The following UGGT1 variants were observed in gnomAD, a reference collection of about 807,000 sequenced individuals.
The protein encoded by UGGT1 is UDP-glucose:glycoprotein glucosyltransferase 1.
A neutral mutation model predicts 203.9 loss-of-function variants in UGGT1; 107 were observed. The ratio of observed to expected loss-of-function variants is 0.52; its 90% CI spans 0.45 to 0.62. UGGT1 has a LOEUF of 0.62. Ranked by LOEUF, UGGT1 falls within the 20% of genes least tolerant of loss-of-function variation. The pLI is 0.00. For missense variants in UGGT1, 1,673 were observed against 1,867.2 expected, an observed-to-expected ratio of 0.90 and a Z score of 1.92; for synonymous variants, 628 against 653.5, an observed-to-expected ratio of 0.96 and a Z score of 0.59.
intron 7 of UGGT1, among the ~76,000 whole-genome samples, chr2:128,115,705 G>A (rs983695331): frequency 6.6e-6 from 1 of 151,948 alleles, no homozygotes; most frequent in African/African-American, 2.4e-5. Context: ...GTTTACTGTG[G>A]ATACTTTCTG....
At chr2:128,094,649 G>A (rs1225214196) in intron 1 of UGGT1, among the ~76,000 whole-genome samples, 2 of 150,302 alleles carry the variant, frequency 1.3e-5, no homozygotes, top group Non-Finnish European at 2.9e-5. Flanking sequence ...TACAAACCGT[G>A]TCTATTGTGT....
At position 128,182,223 on chromosome 2, in the gene UGGT1, G is replaced by A; in HGVS notation, c.4177G>A (p.Asp1393Asn). Residue 1393 changes from aspartate to asparagine, a missense_variant, in exon 37 of 41, where the codon GAC (aspartate) becomes AAC (asparagine). Physicochemically the swap from Asp to Asn is conservative, Grantham distance 23 (BLOSUM62 1). This residue lies in a region of UGGT1 where 513 missense variants were observed against 684.1 expected (regional missense o/e 0.75). Transcript: ENST00000259253. ...TPFCDSRREM[D>N]GYRFWKSGYW... The stretch of plus-strand genomic sequence containing the variant: ...TTTCTGTGACAGCCGAAGAGAAATG[G>A]ACGGCTACAGGTTCTGGAAGTCAGG... 6.2e-7 allele frequency: 1 copy of A among 1,614,148 alleles called. No individual in the cohort carries two copies. Among genetic ancestry groups the A allele is most frequent in the Non-Finnish European group, 8.5e-7 (1 of 1,180,006 alleles).
chr2:128,134,749 CT>C (rs1689050481), intron 14 of UGGT1, 126 bp from the exon 15 acceptor site: 3 of 735,570 alleles, frequency 4.1e-6, no homozygotes, highest in Non-Finnish European at 6.9e-6. Flanking sequence ...TGTAATTCAT[CT>C]TTTATGTGGT....
intron 3 of UGGT1, among the ~76,000 whole-genome samples, chr2:128,104,259 C>T (rs1295573384): frequency 6.6e-6 from 1 of 152,064 alleles, no homozygotes; most frequent in Non-Finnish European, 1.5e-5. Context: ...CTATCGTGAT[C>T]CTTTATTAAA....
Position 128,176,918 on chromosome 2 carries a change from T to G in UGGT1, c.3624+20T>G, listed in dbSNP as rs376778024. 1.2e-4 allele frequency: 191 copies of G among 1,604,164 alleles called. No individual in the cohort carries two copies. Among genetic ancestry groups the G allele is most frequent in the Non-Finnish European group, 4.6e-5 (54 of 1,171,346 alleles). On this transcript the variant is annotated intron_variant, in intron 32 of 40. Transcript: ENST00000259253. ...GTGAAGGTGAGTTTGGTAAAAGTAGTGGCATTCTGTTATTGGACAGCTGTC... is the reference window on the plus strand; with the variant it reads ...GTGAAGGTGAGTTTGGTAAAAGTAGGGGCATTCTGTTATTGGACAGCTGTC...
intron 16 of UGGT1, among the ~76,000 whole-genome samples, chr2:128,141,861 C>G (rs1689446016): frequency 6.6e-6 from 1 of 151,658 alleles, no homozygotes; most frequent in Non-Finnish European, 1.5e-5. Context: ...TTAGATTTCT[C>G]TATCTCTCCC....
intron 28 of UGGT1, among the ~76,000 whole-genome samples, chr2:128,171,655 A>G (rs1271503701): frequency 6.6e-6 from 1 of 151,968 alleles, no homozygotes; most frequent in Non-Finnish European, 1.5e-5. Flanking sequence ...TTACAGGTGC[A>G]CACTACCATG....
chr2:128,168,970 C>T (rs1256977381), intron 26 of UGGT1, among the ~76,000 whole-genome samples: 4 of 141,070 alleles, frequency 2.8e-5, no homozygotes, highest in South Asian at 2.3e-4. Context: ...TTGCTTGAGC[C>T]GGGGAGGTGG....
At position 128,159,621 on chromosome 2, in the gene UGGT1, G is replaced by C; in HGVS notation, c.2463G>C (p.Gln821His). Residue 821 changes from glutamine (Q) to histidine (H), a missense_variant, in exon 23 of 41, where the codon CAG becomes CAC. By Grantham distance (24) the Gln-to-His change is conservative. This residue lies in a region of UGGT1 where 1,073 missense variants were observed against 1,078.7 expected (regional missense o/e 0.99). Transcript: ENST00000259253. The stretch of plus-strand genomic sequence containing the variant: ...CAATCTGGGCAGCTCTCCAAACTCA[G>C]ACTTCCAACGCTGCTAAGAACTTCA... ...SRAIWAALQT[Q>H]TSNAAKNFIT... 1 of 1,614,148 alleles carries C rather than the reference G, an allele frequency of 6.2e-7. No homozygotes were observed. Among genetic ancestry groups the C allele is most frequent in the Non-Finnish European group, 8.5e-7 (1 of 1,180,034 alleles).
chr2:128,122,494 A>G (rs1050408597), intron 10 of UGGT1, among the ~76,000 whole-genome samples: 4 of 151,302 alleles, frequency 2.6e-5, no homozygotes, highest in Admixed American at 6.6e-5. Context: ...AGATCATGCC[A>G]TTGCACTCCA....
intron 29 of UGGT1, among the ~76,000 whole-genome samples, chr2:128,173,195 A>C (rs1307567506): frequency 6.6e-6 from 1 of 152,242 alleles, no homozygotes; most frequent in Non-Finnish European, 1.5e-5. Flanking sequence ...TCCATGCTGT[A>C]GTATGTATCG....
chr2:128,131,865 G>C (rs1158408324), intron 13 of UGGT1, among the ~76,000 whole-genome samples: 1 of 152,092 alleles, frequency 6.6e-6, no homozygotes, highest in East Asian at 1.9e-4. Flanking sequence ...TTGATCTCAT[G>C]ATCTGCCCAC....
chr2:128,126,547 T>C (rs1442354716), intron 11 of UGGT1, among the ~76,000 whole-genome samples: 1 of 151,892 alleles, frequency 6.6e-6, no homozygotes, highest in Admixed American at 6.6e-5. Context: ...CTGCCCAAAA[T>C]GTATATATGA....
intron 27 of UGGT1, 148 bp from the exon 28 acceptor site, chr2:128,171,057 A>C: frequency 1.4e-6 from 1 of 690,948 alleles, no homozygotes; most frequent in Non-Finnish European, 2.4e-6. Flanking sequence ...ATTGTGCAGT[A>C]GAGTTGTGAT....
Position 128,187,592 on chromosome 2 carries a change from G to C in UGGT1, c.4620G>C (p.Lys1540Asn). The C allele has an allele frequency of 6.2e-7, 1 of 1,613,166 alleles. No individual in the cohort carries two copies. The highest frequency in any genetic ancestry group is 8.5e-7 in the Non-Finnish European group (1 of 1,179,504). ...AAACGGGAGCACTGTACAAAGAGAA[G>C]ACAAAAGAACCAAGCCGAGAAGGTA... ...EKETGALYKE[K>N]TKEPSREGPQ... The change falls in exon 40 of 41, where the codon AAG (lysine) becomes AAC (asparagine). Residue 1540 changes from lysine (K) to asparagine (N), a missense_variant. Lys to Asn is a moderately conservative substitution (Grantham distance 94). Around this residue, in one of 4 missense-constraint regions of UGGT1, gnomAD observed 513 missense variants for 684.1 expected, o/e 0.75. Transcript: ENST00000259253.
At position 128,172,770 on chromosome 2, in the gene UGGT1, C is replaced by T. The variant is rs1329136852; in HGVS notation, c.3294+8C>T. On this transcript the variant is annotated splice_region_variant and intron_variant, in intron 29 of 40. Transcript: ENST00000259253. ...AATATTTATTTAGAAGAGGTAAGAC[C>T]ATATCTATTGCTTCCAAATACCTAA... The T allele has an allele frequency of 1.2e-6, 2 of 1,609,440 alleles. No homozygotes were observed. Among genetic ancestry groups the T allele is most frequent in the Non-Finnish European group, 1.7e-6 (2 of 1,176,906 alleles).
At chr2:128,160,375 T>G in intron 23 of UGGT1, 85 bp from the exon 24 acceptor site, 1 of 1,397,312 alleles carries the variant, frequency 7.2e-7, no homozygotes, top group Non-Finnish European at 9.5e-7. Flanking sequence ...GGAAAGAAAT[T>G]TTTATGGTTT....
chr2:128,112,607 G>C (rs1331990379), intron 5 of UGGT1, among the ~76,000 whole-genome samples: 1 of 147,282 alleles, frequency 6.8e-6, no homozygotes, highest in Non-Finnish European at 1.5e-5. Context: ...TTTTGAGACA[G>C]GGTCCCGTTC....
At chr2:128,099,855 AC>A (rs1374162906) in intron 2 of UGGT1, among the ~76,000 whole-genome samples, 2 of 152,312 alleles carry the variant, frequency 1.3e-5, no homozygotes, top group Non-Finnish European at 2.9e-5. Context: ...AAAAAGCCCA[AC>A]AAAGCAAATA....
Sources: gnomAD v4.1 joint callset for allele counts (sites outside exome capture counted in the v4.1 genomes callset) on GRCh38, gnomAD v4.1.1 for gene constraint, gnomAD v4.1.1 regional missense constraint, MANE v1.5 for transcripts, NCBI Gene and HGNC (gene_info 2026-07-23, HGNC 2026-07-21) for gene names.